Variants in CAPN3 observed in about 807,000 individuals in gnomAD.
The protein encoded by CAPN3 is calpain-3.
A neutral mutation model predicts 114.0 loss-of-function variants in CAPN3; 88 were observed. The ratio of observed to expected loss-of-function variants is 0.77; its 90% CI spans 0.65 to 0.92. The LOEUF (loss-of-function observed/expected upper bound fraction) is 0.92. CAPN3 is among the 40% of genes least tolerant of loss of function. The pLI is 0.00. For missense variants in CAPN3, 1,028 were observed against 1,069.0 expected, an observed-to-expected ratio of 0.96 and a Z score of 0.53; for synonymous variants, 386 against 382.9, an observed-to-expected ratio of 1.01 and a Z score of -0.09.
chr15:42,393,820 C>G (rs1049797323), intron 7 of CAPN3, among the ~76,000 whole-genome samples: 4 of 151,696 alleles, frequency 2.6e-5, no homozygotes, highest in Admixed American at 2.0e-4. Flanking sequence ...GTCTCGAACT[C>G]CTGACCTCGT....
chr15:42,392,529 G>A (rs2053583777), intron 6 of CAPN3, 110 bp from the exon 7 acceptor site: 1 of 795,254 alleles, frequency 1.3e-6, no homozygotes, highest in Non-Finnish European at 2.2e-6. Flanking sequence ...GGAGCAGAGT[G>A]GTCTGTGTCT....
chr15:42,409,700 C>G, intron 17 of CAPN3, 87 bp from the exon 18 acceptor site: 2 of 1,202,108 alleles, frequency 1.7e-6, no homozygotes, highest in Non-Finnish European at 1.2e-6. Context: ...TTTACAAACA[C>G]AGCCAGGTGG....
At chr15:42,403,125 G>T in intron 13 of CAPN3, 123 bp downstream of exon 13, 1 of 762,558 alleles carries the variant, frequency 1.3e-6, no homozygotes, top group Admixed American at 1.9e-5. Context: ...CTGAGCCACT[G>T]GCCACATTAC....
At chr15:42,402,308 A>G in intron 12 of CAPN3, 173 bp downstream of exon 12, 1 of 1,547,718 alleles carries the variant, frequency 6.5e-7, no homozygotes, top group Non-Finnish European at 8.7e-7. Context: ...GCATTGCATG[A>G]CCCATGACTA....
intron 14 of CAPN3, chr15:42,404,126 A>G (rs1472026608): frequency 8.4e-6 from 4 of 477,614 alleles, no homozygotes; most frequent in Non-Finnish European, 1.2e-5. Context: ...TTTCACACAT[A>G]GAGAAAAGAA....
chr15:42,398,590 TACACACACACACACACACACACACACAC>T (rs376966106), intron 9 of CAPN3, among the ~76,000 whole-genome samples: 1 of 120,256 alleles, frequency 8.3e-6, no homozygotes, highest in Non-Finnish European at 1.8e-5. Flanking sequence ...TCTCAAAAAA[TACACACACACACACACACACACACACAC>T]ACACACACAC....
intron 6 of CAPN3, among the ~76,000 whole-genome samples, chr15:42,392,225 T>C (rs2053574156): frequency 6.6e-6 from 1 of 152,064 alleles, no homozygotes; most frequent in Admixed American, 6.6e-5. Flanking sequence ...CTTAACCCCT[T>C]TTCTCAACCT....
chr15:42,408,200 C>G lies in CAPN3; in HGVS notation c.1801-11C>G. 6.3e-7 allele frequency: 1 copy of G among 1,594,282 alleles called. No homozygotes were observed. The highest frequency in any genetic ancestry group is 8.6e-7 in the Non-Finnish European group (1 of 1,162,908). ...CTCCCTTCCTTCCTGCCTCCTCCCT[C>G]CTCTCTCCAGCCCATCATCTTCGTT... is the stretch of plus-strand genomic sequence containing the variant. On this transcript the variant is annotated splice_polypyrimidine_tract_variant and intron_variant, in intron 15 of 23. Transcript: ENST00000397163.
In CAPN3 at chr15:42,359,712, T is replaced by G. The variant is rs1566965768; in HGVS notation, c.-94T>G. 1 of 1,594,948 alleles carries G rather than the reference T, an allele frequency of 6.3e-7. No homozygotes were observed. Among genetic ancestry groups the G allele is most frequent in the Non-Finnish European group, 8.5e-7 (1 of 1,172,996 alleles). On this transcript the variant is annotated 5_prime_UTR_variant, in exon 1 of 24. Transcript: ENST00000397163. ...GACACTTTTCTCTCAGATGACAGAATTACTCCAACTTCCCCTTTGCAGTTG... is the reference window on the plus strand; with the variant it reads ...GACACTTTTCTCTCAGATGACAGAAGTACTCCAACTTCCCCTTTGCAGTTG...
intron 2 of CAPN3, among the ~76,000 whole-genome samples, chr15:42,385,096 C>G (rs866333768): frequency 7.2e-5 from 11 of 152,252 alleles, no homozygotes; most frequent in Admixed American, 2.0e-4. Context: ...TCCATCTGAT[C>G]TTCCTCTCTC....
In CAPN3 at chr15:42,401,618, G is replaced by A. The variant is rs376462406; in HGVS notation, c.1355-23G>A. The A allele has an allele frequency of 9.0e-5, 145 of 1,613,824 alleles. 1 individual carries two copies. Among genetic ancestry groups the A allele is most frequent in the South Asian group, 7.6e-4 (69 of 91,068 alleles). Reference sequence around the variant, plus strand: ...CCCTCTGAGAGGCAGCTGTGAATGCGTGCTTCCTTTCTGGGGGTGCAGATA... The same window carrying A: ...CCCTCTGAGAGGCAGCTGTGAATGCATGCTTCCTTTCTGGGGGTGCAGATA... On this transcript the variant is annotated intron_variant, in intron 10 of 23. Coordinates refer to ENST00000397163, the MANE Select transcript of CAPN3 (RefSeq NM_000070.3).
At chr15:42,397,932 G>T (rs2053748151) in intron 9 of CAPN3, among the ~76,000 whole-genome samples, 1 of 151,532 alleles carries the variant, frequency 6.6e-6, no homozygotes, top group Non-Finnish European at 1.5e-5. Context: ...TGAAGCAGGG[G>T]GTCACTTGAG....
At chr15:42,386,480 C>G (rs562241410) in intron 3 of CAPN3, among the ~76,000 whole-genome samples, 195 bp downstream of exon 3, 14 of 152,282 alleles carry the variant, frequency 9.2e-5, no homozygotes, top group African/African-American at 3.4e-4. Context: ...ATCCCTCCCC[C>G]ACCACCTTCC....
intron 1 of CAPN3, among the ~76,000 whole-genome samples, chr15:42,376,046 T>G (rs528806139): frequency 1.3e-5 from 2 of 152,250 alleles, no homozygotes; most frequent in Admixed American, 1.3e-4. Flanking sequence ...TTGTCTGCGG[T>G]TTTTCTCCTT....
At chr15:42,375,455 C>G (rs2053065779) in intron 1 of CAPN3, among the ~76,000 whole-genome samples, 1 of 151,666 alleles carries the variant, frequency 6.6e-6, no homozygotes, top group Admixed American at 6.6e-5. Context: ...GGTGAAAGTG[C>G]TTGGGAGTGT....
At chr15:42,398,165 TATG>T (rs1208444295) in intron 9 of CAPN3, among the ~76,000 whole-genome samples, 12 of 151,864 alleles carry the variant, frequency 7.9e-5, no homozygotes, top group East Asian at 1.9e-4. Context: ...TGGGGGTACA[TATG>T]ATATTTTGAT....
rs2054204366 is a variant in CAPN3 at position 42,410,944 on chromosome 15, T to C, written c.2324T>C (p.Met775Thr). Residue 775 changes from methionine to threonine, a missense_variant, in exon 22 of 24, where the codon ATG becomes ACG. By Grantham distance (81) the Met-to-Thr change is moderately conservative (BLOSUM62 -1). Coordinates refer to ENST00000397163, the MANE Select transcript of CAPN3 (RefSeq NM_000070.3). Reference sequence around the variant, plus strand: ...ACCATGCGGTACGCAGACAAACACATGAACATCGACTTTGACAGTTTCATC... The same window carrying C: ...ACCATGCGGTACGCAGACAAACACACGAACATCGACTTTGACAGTTTCATC... ...IITMRYADKH[M>T]NIDFDSFICC... is the part of the protein sequence containing the mutation. 3 of 1,614,194 alleles carry C rather than the reference T, an allele frequency of 1.9e-6. No homozygotes were observed. The highest frequency in any genetic ancestry group is 2.5e-6 in the Non-Finnish European group (3 of 1,180,026).
intron 23 of CAPN3, 110 bp from the exon 24 acceptor site, chr15:42,411,637 C>T: frequency 1.3e-6 from 1 of 776,260 alleles, no homozygotes; most frequent in East Asian, 2.5e-5. Context: ...TTCTGGGGGT[C>T]TGACCTGCTG....
At chr15:42,384,683 G>C in intron 2 of CAPN3, 131 bp downstream of exon 2, 2 of 732,618 alleles carry the variant, frequency 2.7e-6, no homozygotes, top group Non-Finnish European at 5.0e-6. Flanking sequence ...TTTTATAACA[G>C]TTGCTTTATG....
Sources: gnomAD v4.1 joint callset for allele counts (sites outside exome capture counted in the v4.1 genomes callset) on GRCh38, gnomAD v4.1.1 for gene constraint, MANE v1.5 for transcripts, NCBI Gene and HGNC (gene_info 2026-07-23, HGNC 2026-07-21) for gene names.